The following SYNJ2BP variants were observed in gnomAD, a reference collection of about 807,000 sequenced individuals.
SYNJ2BP encodes the protein synaptojanin 2 binding protein.
SYNJ2BP carries 10 observed loss-of-function variants against 16.9 expected under a neutral mutation model. The ratio of observed to expected loss-of-function variants is 0.59; its 90% CI spans 0.36 to 1.00. The LOEUF (loss-of-function observed/expected upper bound fraction) is 1.00, where lower values mean the gene tolerates loss of function less well. SYNJ2BP is among the 50% of genes least tolerant of loss of function. The pLI is 0.01. For missense variants in SYNJ2BP, 162 were observed against 186.7 expected (o/e 0.87, Z 0.77); for synonymous variants, 54 against 68.4 (o/e 0.79, Z 1.04).
At chr14:70,397,084 T>G (rs1888115422) in intron 1 of SYNJ2BP, among the ~76,000 whole-genome samples, 1 of 152,210 alleles carries the variant, frequency 6.6e-6, no homozygotes, top group Admixed American at 6.5e-5. Flanking sequence ...CTTTTTCCAT[T>G]CTTCTAAGAG....
At chr14:70,387,675 TAA>T (rs1887888483) in intron 2 of SYNJ2BP, among the ~76,000 whole-genome samples, 1 of 151,704 alleles carries the variant, frequency 6.6e-6, no homozygotes, top group Admixed American at 6.6e-5. Flanking sequence ...ACTAAAAATA[TAA>T]AAAATTAGCT....
chr14:70,380,469 C>G (rs1007122055), intron 2 of SYNJ2BP, among the ~76,000 whole-genome samples: 1 of 152,038 alleles, frequency 6.6e-6, no homozygotes, highest in African/African-American at 2.4e-5. Flanking sequence ...CGAGACCACC[C>G]TGACCAACAT....
chr14:70,381,245 A>G (rs1887743151), intron 2 of SYNJ2BP, among the ~76,000 whole-genome samples: 1 of 152,248 alleles, frequency 6.6e-6, no homozygotes, highest in East Asian at 1.9e-4. Flanking sequence ...AGAAGATGTT[A>G]TAAAGGGCAT....
intron 1 of SYNJ2BP, among the ~76,000 whole-genome samples, chr14:70,395,634 A>G (rs1463011769): frequency 6.6e-6 from 1 of 152,258 alleles, no homozygotes; most frequent in African/African-American, 2.4e-5. Context: ...ATGGTAAAAT[A>G]AACTTAACAT....
At chr14:70,376,573 A>G (rs1887635459) in intron 2 of SYNJ2BP, among the ~76,000 whole-genome samples, 1 of 152,236 alleles carries the variant, frequency 6.6e-6, no homozygotes, top group South Asian at 2.1e-4. Flanking sequence ...ATACTTGTCA[A>G]TGTCATCGTT....
At chr14:70,384,859 C>A (rs1887826032) in intron 2 of SYNJ2BP, among the ~76,000 whole-genome samples, 1 of 152,124 alleles carries the variant, frequency 6.6e-6, no homozygotes, top group African/African-American at 2.4e-5. Context: ...TCAGTTAAAC[C>A]TCTTTTCTTT....
At chr14:70,388,409 G>C in intron 2 of SYNJ2BP, 61 bp downstream of exon 2, 1 of 1,416,106 alleles carries the variant, frequency 7.1e-7, no homozygotes, top group Non-Finnish European at 9.3e-7. Context: ...GGGATAGGGA[G>C]GGGTAGGACC....
chr14:70,385,528 A>G (rs889155097), intron 2 of SYNJ2BP, among the ~76,000 whole-genome samples: 7 of 149,764 alleles, frequency 4.7e-5, no homozygotes, highest in Non-Finnish European at 8.9e-5. Context: ...GCGTGCCACC[A>G]TGCCCACCTA....
At chr14:70,408,181 A>G (rs898851329) in intron 1 of SYNJ2BP, among the ~76,000 whole-genome samples, 1 of 151,258 alleles carries the variant, frequency 6.6e-6, no homozygotes, top group Non-Finnish European at 1.5e-5. Flanking sequence ...AAAAGGAGGG[A>G]AAAAGAGAAA....
rs200628367 is a variant in SYNJ2BP, at chr14:70,388,557, G to T, written c.114C>A (p.Asn38Lys). 1.3e-5 allele frequency: 20 copies of T among 1,598,286 alleles called. No homozygotes were observed. Residue 38 changes from asparagine to lysine, a missense_variant, in exon 2 of 4, where the codon AAC becomes AAA. Asn to Lys is a moderately conservative substitution (Grantham distance 94). Transcript: ENST00000256366. ...VGGTDQQYVS[N>K]DSGIYVSRIK... The stretch of plus-strand genomic sequence containing the variant: ...TGCGGCTGACGTAGATGCCACTGTC[G>T]TTGGAGACATACTGCTGATCTGTCC...
At chr14:70,376,599 A>G (rs1887636052) in intron 2 of SYNJ2BP, among the ~76,000 whole-genome samples, 1 of 152,232 alleles carries the variant, frequency 6.6e-6, no homozygotes, top group Admixed American at 6.5e-5. Context: ...TAGCAGCAAT[A>G]AGAACATCTG....
At chr14:70,402,230 T>C (rs1217423757) in intron 1 of SYNJ2BP, among the ~76,000 whole-genome samples, 2 of 152,204 alleles carry the variant, frequency 1.3e-5, no homozygotes, top group Admixed American at 1.3e-4. Flanking sequence ...GAGACCTTTG[T>C]GTATGTTATG....
At chr14:70,409,043 C>T (rs192678101) in intron 1 of SYNJ2BP, among the ~76,000 whole-genome samples, 80 of 152,252 alleles carry the variant, frequency 5.3e-4, no homozygotes, top group Admixed American at 1.0e-3. Flanking sequence ...GGACTACAAG[C>T]ATGCACCACC....
chr14:70,399,879 G>A (rs1303628966), intron 1 of SYNJ2BP, among the ~76,000 whole-genome samples: 3 of 152,198 alleles, frequency 2.0e-5, no homozygotes, highest in African/African-American at 7.2e-5. Flanking sequence ...GTAAAAGGGA[G>A]CCATCATCCG....
intron 3 of SYNJ2BP, among the ~76,000 whole-genome samples, chr14:70,374,376 C>T (rs1423113328): frequency 1.3e-5 from 2 of 152,170 alleles, no homozygotes; most frequent in African/African-American, 4.8e-5. Flanking sequence ...CACGTTCTGC[C>T]TTCTCTACTT....
At position 70,388,586 on chromosome 14, in the gene SYNJ2BP, C is replaced by T. The variant is rs1456797885; in HGVS notation, c.85G>A (p.Gly29Ser). Reference sequence around the variant, plus strand: ...GAGACATACTGCTGATCTGTCCCACCGACGATGTTGAAGCCCAGCCCTGAG... The same window carrying T: ...GAGACATACTGCTGATCTGTCCCACTGACGATGTTGAAGCCCAGCCCTGAG... ...GPSGLGFNIV[G>S]GTDQQYVSND... Residue 29 changes from glycine to serine, a missense_variant, in exon 2 of 4, where the codon GGT becomes AGT. Gly to Ser is a moderately conservative substitution (Grantham distance 56). Coordinates refer to ENST00000256366, the MANE Select transcript of SYNJ2BP (RefSeq NM_018373.3). The T allele has an allele frequency of 5.8e-6, 9 of 1,543,820 alleles. No homozygotes were observed. The highest frequency in any genetic ancestry group is 5.0e-5 in the South Asian group (4 of 79,840).
chr14:70,386,091 A>G (rs1257837701), intron 2 of SYNJ2BP, among the ~76,000 whole-genome samples: 1 of 152,176 alleles, frequency 6.6e-6, no homozygotes, highest in Non-Finnish European at 1.5e-5. Flanking sequence ...ACTATTCTTC[A>G]TCCACAGAGC....
At chr14:70,406,352 C>T (rs1313041337) in intron 1 of SYNJ2BP, among the ~76,000 whole-genome samples, 1 of 152,196 alleles carries the variant, frequency 6.6e-6, no homozygotes, top group Non-Finnish European at 1.5e-5. Context: ...CTTCTAATCT[C>T]CAATTGTCCT....
intron 3 of SYNJ2BP, 44 bp downstream of exon 3, chr14:70,375,632 T>C (rs751302594): frequency 1.9e-6 from 3 of 1,597,344 alleles, no homozygotes; most frequent in Non-Finnish European, 1.7e-6. Flanking sequence ...AGAAGTACAG[T>C]GCAAAAGCCT....
Sources: gnomAD v4.1 joint callset for allele counts (sites outside exome capture counted in the v4.1 genomes callset) on GRCh38, gnomAD v4.1.1 for gene constraint, MANE v1.5 for transcripts, NCBI Gene and HGNC (gene_info 2026-07-23, HGNC 2026-07-21) for gene names.